The following LRMDA variants were observed in gnomAD, a reference collection of about 807,000 sequenced individuals.
LRMDA encodes the protein leucine-rich melanocyte differentiation-associated protein.
Under a neutral mutation model 29.8 loss-of-function variants are expected in LRMDA, and 18 were observed. The ratio of observed to expected loss-of-function variants is 0.60; its 90% CI spans 0.42 to 0.90. The LOEUF (loss-of-function observed/expected upper bound fraction) is 0.90, where lower values mean the gene tolerates loss of function less well. Among genes scored for constraint, LRMDA ranks in the 40% least tolerant of loss-of-function variants. The probability of loss-of-function intolerance (pLI) is 0.00; values close to 1 mark genes in which losing one functional copy is unlikely to be tolerated. For synonymous variants in LRMDA, 125 were observed against 109.4 expected, an observed-to-expected ratio of 1.14 and a Z score of -0.89; for missense variants, 273 against 273.9, an observed-to-expected ratio of 1.00 and a Z score of 0.02.
Position 76,496,376 on chromosome 10 carries a change from C to T in LRMDA, c.602-60833C>T, listed in dbSNP as rs1428887266. On this transcript the variant is annotated intron_variant, in intron 6 of 6. Coordinates refer to ENST00000611255, the MANE Select transcript of LRMDA (RefSeq NM_001305581.2). The stretch of plus-strand genomic sequence containing the variant: ...GCTGCAGTAATCTGCCTATTGAGAT[C>T]TAGTCATCTTACCCTCCCAGCTCCA... Among the ~76,000 whole-genome samples the T allele has an allele frequency of 2.6e-5, 2 of 75,780 alleles. 1 individual carries two copies. Among genetic ancestry groups the T allele is most frequent in the African/African-American group, 6.4e-5 (2 of 31,160 alleles). 49.7% of individuals were successfully genotyped at this position (75,780 alleles called of 152,430 possible).
At position 75,469,648 on chromosome 10, in the gene LRMDA, T is replaced by C. The variant is rs1221405575; in HGVS notation, c.131+31154T>C. Among the ~76,000 whole-genome samples, 3 of 152,064 alleles carry C rather than the reference T, an allele frequency of 2.0e-5. No homozygotes were observed. The East Asian group carries it at 5.8e-4, about 29-fold the overall frequency. On this transcript the variant is annotated intron_variant, in intron 2 of 6. Coordinates refer to ENST00000611255, the MANE Select transcript of LRMDA (RefSeq NM_001305581.2). ...ACCCCATGTATCAAGTGGTGGGCAG[T>C]GGAAGAGGATGGTAGCATGAGGGGA...
intron 6 of LRMDA, among the ~76,000 whole-genome samples, chr10:76,421,984 G>A (rs191450964): frequency 3.0e-4 from 46 of 152,300 alleles, no homozygotes; most frequent in Non-Finnish European, 1.3e-4. Flanking sequence ...CCTTAGTCCA[G>A]TTAGGGATTT....
At chr10:75,750,436 G>T (rs555527276) in intron 2 of LRMDA, among the ~76,000 whole-genome samples, 1 of 147,372 alleles carries the variant, frequency 6.8e-6, no homozygotes, top group Non-Finnish European at 1.5e-5. Flanking sequence ...TCAGTTCCCA[G>T]ACGGGGTCGC....
At chr10:76,169,684 G>C (rs1487914688) in intron 5 of LRMDA, among the ~76,000 whole-genome samples, 1 of 152,144 alleles carries the variant, frequency 6.6e-6, no homozygotes. Context: ...CTGGTCTCAT[G>C]GGTCTTCAAA....
intron 2 of LRMDA, among the ~76,000 whole-genome samples, chr10:75,571,486 T>C (rs1840436950): frequency 6.6e-6 from 1 of 152,148 alleles, no homozygotes; most frequent in Non-Finnish European, 1.5e-5. Context: ...GTGCTTTTGT[T>C]TGGACATCTC....
chr10:76,328,583 T>G (rs1034446125), intron 6 of LRMDA, among the ~76,000 whole-genome samples: 1 of 152,086 alleles, frequency 6.6e-6, no homozygotes, highest in Non-Finnish European at 1.5e-5. Context: ...CAAGTGTAGG[T>G]AGGACTAACT....
Position 75,455,873 on chromosome 10 carries a change from G to A in LRMDA, c.131+17379G>A, listed in dbSNP as rs140156784. ...ATGCTGCCTTAAGACTTCGGAGCCT[G>A]TACAACATCAGGGCTTTGGGGCCAG... On this transcript the variant is annotated intron_variant, in intron 2 of 6. Transcript: ENST00000611255. Among the ~76,000 whole-genome samples, 400 of 152,328 alleles carry A rather than the reference G, an allele frequency of 2.6e-3. 1 individual carries two copies. The highest frequency in any genetic ancestry group is 4.8e-3 in the Non-Finnish European group (325 of 68,024).
intron 2 of LRMDA, among the ~76,000 whole-genome samples, chr10:75,533,376 G>A (rs1338367475): frequency 1.3e-5 from 2 of 152,222 alleles, no homozygotes; most frequent in Admixed American, 1.3e-4. Flanking sequence ...GTAACCCAGG[G>A]TCTCTTTGGA....
At chr10:76,254,038 A>T (rs1852535408) in intron 5 of LRMDA, among the ~76,000 whole-genome samples, 1 of 152,114 alleles carries the variant, frequency 6.6e-6, no homozygotes, top group Admixed American at 6.5e-5. Context: ...ATTTTCCAAC[A>T]GTAGACTTAT....
At chr10:76,149,849 T>G (rs902128071) in intron 5 of LRMDA, among the ~76,000 whole-genome samples, 1 of 152,178 alleles carries the variant, frequency 6.6e-6, no homozygotes, top group African/African-American at 2.4e-5. Context: ...CCACAGGGAT[T>G]AATTGATCAG....
At chr10:76,235,183 GGA>G (rs369474433) in intron 5 of LRMDA, among the ~76,000 whole-genome samples, 147 of 151,854 alleles carry the variant, frequency 9.7e-4, no homozygotes, top group African/African-American at 3.4e-3. Flanking sequence ...GGAAGCCTGG[GGA>G]GAGAGAGAGA....
At chr10:75,609,775 G>C (rs1055708673) in intron 2 of LRMDA, among the ~76,000 whole-genome samples, 2 of 152,188 alleles carry the variant, frequency 1.3e-5, no homozygotes, top group African/African-American at 4.8e-5. Context: ...CGTGCTCTGT[G>C]TGGTCCTGTT....
intron 6 of LRMDA, among the ~76,000 whole-genome samples, chr10:76,530,561 C>T (rs567327241): frequency 1.3e-5 from 2 of 152,064 alleles, no homozygotes; most frequent in South Asian, 2.1e-4. Context: ...ATAGGAAGCT[C>T]GATAAAGTTA....
chr10:76,106,398 A>G (rs1849485262), intron 5 of LRMDA, among the ~76,000 whole-genome samples: 1 of 152,246 alleles, frequency 6.6e-6, no homozygotes, highest in Non-Finnish European at 1.5e-5. Flanking sequence ...TCAATAGCGT[A>G]TGGAGAATGA....
intron 6 of LRMDA, among the ~76,000 whole-genome samples, chr10:76,396,954 G>A (rs912448982): frequency 5.9e-5 from 9 of 152,062 alleles, no homozygotes; most frequent in African/African-American, 9.7e-5. Flanking sequence ...GCCACGCCAC[G>A]CAACTCTACT....
chr10:75,563,715 A>T (rs1840331078), intron 2 of LRMDA, among the ~76,000 whole-genome samples: 1 of 151,798 alleles, frequency 6.6e-6, no homozygotes, highest in African/African-American at 2.4e-5. Context: ...TTTGGTGTGG[A>T]TGTCCTTTCT....
At chr10:75,723,471 C>T (rs901935897) in intron 2 of LRMDA, among the ~76,000 whole-genome samples, 1 of 152,150 alleles carries the variant, frequency 6.6e-6, no homozygotes, top group African/African-American at 2.4e-5. Context: ...TGTCACAGTC[C>T]CAAACACTAT....
chr10:75,875,644 C>A (rs952389130), intron 2 of LRMDA, among the ~76,000 whole-genome samples: 1 of 152,170 alleles, frequency 6.6e-6, no homozygotes, highest in Non-Finnish European at 1.5e-5. Flanking sequence ...GTTGGTCAGG[C>A]TGGTCTCGAA....
intron 2 of LRMDA, among the ~76,000 whole-genome samples, chr10:75,645,136 C>T (rs1313514403): frequency 1.3e-5 from 2 of 152,148 alleles, no homozygotes; most frequent in African/African-American, 4.8e-5. Context: ...ATGTGCACCA[C>T]CACACCCGGC....
Sources: allele counts gnomAD v4.1 joint callset (sites outside exome capture counted in the v4.1 genomes callset), GRCh38; gene constraint gnomAD v4.1.1; transcripts MANE v1.5; gene names NCBI Gene and HGNC (gene_info 2026-07-23, HGNC 2026-07-21).